Variants in STON2 observed in about 807,000 individuals in gnomAD.
STON2 encodes the protein stonin-2.
STON2 carries 29 observed loss-of-function variants against 65.7 expected under a neutral mutation model. The observed-to-expected ratio is 0.44, with a 90% CI of 0.33 to 0.60. The LOEUF is 0.60. STON2 is among the 20% of genes least tolerant of loss of function. STON2 has a pLI of 0.03. For synonymous variants in STON2, 404 were observed against 414.2 expected (o/e 0.98, Z 0.30); for missense variants, 1,054 against 1,118.1 (o/e 0.94, Z 0.82).
intron 4 of STON2, among the ~76,000 whole-genome samples, chr14:81,356,838 T>G (rs890143996): frequency 6.6e-6 from 1 of 152,084 alleles, no homozygotes; most frequent in Non-Finnish European, 1.5e-5. Context: ...TGTATTTCTA[T>G]GGGATCGGTA....
At chr14:81,383,413 C>T (rs1413299858) in intron 3 of STON2, among the ~76,000 whole-genome samples, 2 of 152,204 alleles carry the variant, frequency 1.3e-5, no homozygotes, top group Non-Finnish European at 2.9e-5. Flanking sequence ...TATTCTCAAA[C>T]ATATATTTTT....
Position 81,268,270 on chromosome 14 carries a change from A to C in STON2, c.*144T>G, listed in dbSNP as rs542081479. 8.7e-7 allele frequency: 1 copy of C among 1,154,982 alleles called. No homozygotes were observed. The highest frequency in any genetic ancestry group is 1.6e-5 in the African/African-American group (1 of 61,178). The allele number at this position is 1,154,982 out of a possible 1,614,324, so 71.5% of individuals were successfully genotyped here. On this transcript the variant is annotated 3_prime_UTR_variant, in exon 8 of 8. Coordinates refer to ENST00000614646, the MANE Select transcript of STON2 (RefSeq NM_001394390.1). Reference sequence around the variant, plus strand: ...TAAAATACAAGTAACTGCAAACAGGAAGATCTGGTATACTGTTCCCAACAT... The same window carrying C: ...TAAAATACAAGTAACTGCAAACAGGCAGATCTGGTATACTGTTCCCAACAT...
intron 5 of STON2, among the ~76,000 whole-genome samples, chr14:81,315,663 C>T (rs1356961381): frequency 6.6e-6 from 1 of 152,246 alleles, no homozygotes. Context: ...GCAGAAACAC[C>T]TGGGAAGAAT....
intron 5 of STON2, among the ~76,000 whole-genome samples, chr14:81,306,285 G>A (rs112760038): frequency 0.026 from 3,678 of 141,902 alleles, 79 homozygotes; most frequent in Non-Finnish European, 0.041. Context: ...GCTGGAGTGC[G>A]GTGGTGTGAT....
chr14:81,409,404 C>CA (rs932204265), intron 2 of STON2, among the ~76,000 whole-genome samples: 86 of 135,154 alleles, frequency 6.4e-4, no homozygotes, highest in Non-Finnish European at 6.5e-4. Context: ...GACTCCATCT[C>CA]AAAAAAAAAT....
chr14:81,394,580 G>A (rs566266978), intron 3 of STON2, among the ~76,000 whole-genome samples: 32 of 152,260 alleles, frequency 2.1e-4, no homozygotes, highest in African/African-American at 7.2e-4. Context: ...TGAGCCCAGT[G>A]TAACCACAGA....
Position 81,270,655 on chromosome 14 carries a change from G to A in STON2, c.2784+15C>T. 6.2e-7 allele frequency: 1 copy of A among 1,614,182 alleles called. No individual in the cohort carries two copies. Among genetic ancestry groups the A allele is most frequent in the African/African-American group, 1.3e-5 (1 of 75,044 alleles). ...ATGGAGTTGGAAGCATTAGCCAGAT[G>A]CTTCCCAAGGCTACCTGGTAGCTGT... is the stretch of plus-strand genomic sequence containing the variant. On this transcript the variant is annotated intron_variant, in intron 7 of 7. Coordinates refer to ENST00000614646, the MANE Select transcript of STON2 (RefSeq NM_001394390.1).
chr14:81,264,734 G>A lies in STON2; in HGVS notation c.*3680C>T. 2 of 985,370 alleles carry A rather than the reference G, an allele frequency of 2.0e-6. No homozygotes were observed. Among genetic ancestry groups the A allele is most frequent in the Non-Finnish European group, 1.2e-6 (1 of 829,910 alleles). 61.0% of individuals were successfully genotyped at this position (985,370 alleles called of 1,614,324 possible). On this transcript the variant is annotated 3_prime_UTR_variant, in exon 8 of 8. Transcript: ENST00000614646. ...AATGCAGGAAGGCACAGTAAGGGAA[G>A]AGCCAAATAGAAAAAATGAAACTGT...
At chr14:81,384,204 T>C (rs1488703013) in intron 3 of STON2, among the ~76,000 whole-genome samples, 7 of 152,212 alleles carry the variant, frequency 4.6e-5, no homozygotes, top group Non-Finnish European at 1.0e-4. Flanking sequence ...TCCTTCCCAG[T>C]TTGTTACCTA....
intron 5 of STON2, among the ~76,000 whole-genome samples, chr14:81,317,622 C>T (rs1265076394): frequency 6.6e-6 from 1 of 152,218 alleles, no homozygotes; most frequent in Non-Finnish European, 1.5e-5. Flanking sequence ...CGGGAAGGGA[C>T]AGTCTCACCC....
chr14:81,268,639 C>T, intron 7 of STON2, 142 bp from the exon 8 acceptor site: 1 of 1,229,502 alleles, frequency 8.1e-7, no homozygotes, highest in South Asian at 1.5e-5. Context: ...ATTGGAGCTA[C>T]TGGCCCTGAG....
At chr14:81,310,909 T>C (rs1363049706) in intron 5 of STON2, among the ~76,000 whole-genome samples, 1 of 152,162 alleles carries the variant, frequency 6.6e-6, no homozygotes, top group Non-Finnish European at 1.5e-5. Flanking sequence ...GCCTTTGACT[T>C]TTCATAGGTG....
chr14:81,367,648 G>A (rs1213360244), intron 4 of STON2, among the ~76,000 whole-genome samples: 1 of 152,170 alleles, frequency 6.6e-6, no homozygotes, highest in African/African-American at 2.4e-5. Context: ...GATAGCACAC[G>A]TCAGGATGTT....
chr14:81,379,509 C>T (rs1232399978), intron 3 of STON2, among the ~76,000 whole-genome samples: 2 of 152,076 alleles, frequency 1.3e-5, no homozygotes, highest in East Asian at 1.9e-4. Context: ...TATAAATTTA[C>T]TTCAGTGTCA....
chr14:81,334,900 T>C (rs1273783445), intron 4 of STON2, among the ~76,000 whole-genome samples: 1 of 152,058 alleles, frequency 6.6e-6, no homozygotes, highest in Admixed American at 6.6e-5. Context: ...TGCAGTGGTG[T>C]GATCTCAGCT....
intron 3 of STON2, among the ~76,000 whole-genome samples, chr14:81,378,075 G>A (rs1487355065): frequency 2.0e-5 from 3 of 152,010 alleles, no homozygotes; most frequent in Admixed American, 6.6e-5. Context: ...TCAAACTCTC[G>A]ACCTCAAGTG....
intron 3 of STON2, 48 bp from the exon 4 acceptor site, chr14:81,371,233 T>C: frequency 6.5e-7 from 1 of 1,543,790 alleles, no homozygotes; most frequent in Non-Finnish European, 8.9e-7. Context: ...ATAGTTGTAC[T>C]TTGTTTATCT....
rs567754284 is a variant in STON2 at position 81,340,405 on chromosome 14, T to C, written c.572-16218A>G. ...GGTGATGACTTCACAGGTGGGTACA[T>C]GTGTCAAAACTCATGAAACTCCACT... On this transcript the variant is annotated intron_variant, in intron 4 of 7. Coordinates refer to ENST00000614646, the MANE Select transcript of STON2 (RefSeq NM_001394390.1). Among the ~76,000 whole-genome samples, 3 of 152,278 alleles carry C rather than the reference T, an allele frequency of 2.0e-5. No homozygotes were observed. The East Asian group carries it at 5.8e-4, about 29-fold the overall frequency.
At chr14:81,297,115 G>A (rs1442531074) in intron 5 of STON2, among the ~76,000 whole-genome samples, 2 of 152,182 alleles carry the variant, frequency 1.3e-5, no homozygotes, top group Non-Finnish European at 2.9e-5. Flanking sequence ...TTCAAGGCAG[G>A]AGAGGTAGCT....
Sources: allele counts gnomAD v4.1 joint callset (sites outside exome capture counted in the v4.1 genomes callset), GRCh38; gene constraint gnomAD v4.1.1; transcripts MANE v1.5; gene names NCBI Gene and HGNC (gene_info 2026-07-23, HGNC 2026-07-21).